The following LRRTM4 variants were observed in gnomAD, a reference collection of about 807,000 sequenced individuals.
LRRTM4 encodes the protein leucine-rich repeat transmembrane neuronal protein 4.
A neutral mutation model predicts 47.6 loss-of-function variants in LRRTM4; 25 were observed. The observed-to-expected ratio is 0.53, with a 90% confidence interval of 0.38 to 0.73. LRRTM4 has a LOEUF of 0.73. LRRTM4 is among the 30% of genes least tolerant of loss of function. The pLI is 0.00. For synonymous variants in LRRTM4, 311 were observed against 269.5 expected (o/e 1.15, Z -1.51); for missense variants, 638 against 713.4 (o/e 0.89, Z 1.20).
chr2:77,372,111 A>G (rs560648141), intron 3 of LRRTM4, among the ~76,000 whole-genome samples: 3 of 151,928 alleles, frequency 2.0e-5, no homozygotes, highest in South Asian at 4.1e-4. Flanking sequence ...TTAAAAAAAT[A>G]TGACAATAGG....
intron 3 of LRRTM4, among the ~76,000 whole-genome samples, chr2:76,956,024 G>C (rs1368508360): frequency 3.3e-5 from 5 of 150,696 alleles, no homozygotes; most frequent in Non-Finnish European, 7.4e-5. Context: ...AAAAAGCCTA[G>C]AGAGGTTGAA....
intron 3 of LRRTM4, among the ~76,000 whole-genome samples, chr2:77,194,509 G>A (rs13408050): frequency 0.028 from 4,258 of 152,170 alleles, 210 homozygotes; most frequent in African/African-American, 0.095. Flanking sequence ...GATTCACATG[G>A]AAGATGCTAC....
chr2:77,091,030 GC>G (rs769157088), intron 3 of LRRTM4, among the ~76,000 whole-genome samples: 5 of 151,984 alleles, frequency 3.3e-5, no homozygotes, highest in African/African-American at 4.8e-5. Flanking sequence ...TGACGGCCAG[GC>G]TTCTAAACCT....
intron 3 of LRRTM4, among the ~76,000 whole-genome samples, chr2:77,295,189 A>C (rs1292420241): frequency 1.3e-5 from 2 of 152,292 alleles, no homozygotes; most frequent in African/African-American, 4.8e-5. Flanking sequence ...AATTTAAAGC[A>C]AACATAATTT....
intron 3 of LRRTM4, among the ~76,000 whole-genome samples, chr2:77,263,240 T>C (rs145152419): frequency 5.3e-5 from 8 of 152,296 alleles, no homozygotes; most frequent in Admixed American, 5.2e-4. Flanking sequence ...CTCCCTTTTC[T>C]TCACACCTTG....
chr2:77,015,128 A>AT (rs1464643455), intron 3 of LRRTM4, among the ~76,000 whole-genome samples: 3 of 151,940 alleles, frequency 2.0e-5, no homozygotes, highest in Non-Finnish European at 4.4e-5. Context: ...TGATGAAAAG[A>AT]TTTTTTCCCT....
rs185153577 is a variant in LRRTM4 at position 77,402,937 on chromosome 2, A to T, written c.1551+115381T>A. On this transcript the variant is annotated intron_variant, in intron 3 of 3. Transcript: ENST00000409884. ...TGCATTATGGTGGTAGATAAGAAAA[A>T]CTCAGACCTTTCTCTCATAAAGATG... 4.8e-3 allele frequency among the ~76,000 whole-genome samples: 724 copies of T among 152,034 alleles called. 5 individuals are homozygous for T. Among genetic ancestry groups the T allele is most frequent in the Middle Eastern group, 0.024 (7 of 294 alleles).
intron 3 of LRRTM4, among the ~76,000 whole-genome samples, chr2:76,773,520 A>G (rs529185268): frequency 2.0e-5 from 3 of 152,308 alleles, no homozygotes; most frequent in Admixed American, 2.0e-4. Context: ...TTATGATTTC[A>G]TATAGTAAAG....
At chr2:77,314,535 G>A (rs1395962176) in intron 3 of LRRTM4, among the ~76,000 whole-genome samples, 1 of 152,050 alleles carries the variant, frequency 6.6e-6, no homozygotes, top group Non-Finnish European at 1.5e-5. Flanking sequence ...TATGTCTTAT[G>A]TTTGGCAGGA....
intron 3 of LRRTM4, among the ~76,000 whole-genome samples, chr2:76,860,728 A>G (rs971898213): frequency 2.0e-5 from 3 of 152,142 alleles, no homozygotes; most frequent in African/African-American, 7.2e-5. Context: ...TTAAATAGTG[A>G]CTTAAATACA....
intron 3 of LRRTM4, among the ~76,000 whole-genome samples, chr2:76,759,224 G>A (rs1468742044): frequency 2.0e-5 from 3 of 152,100 alleles, no homozygotes; most frequent in Non-Finnish European, 4.4e-5. Context: ...GGTTTAGACT[G>A]CATAATACAA....
chr2:76,905,706 C>G (rs1178300507), intron 3 of LRRTM4, among the ~76,000 whole-genome samples: 1 of 148,220 alleles, frequency 6.7e-6, no homozygotes, highest in Non-Finnish European at 1.5e-5. Context: ...AATGCAGAAG[C>G]CTCAGGAGCC....
chr2:77,464,864 C>T (rs1676924678), intron 3 of LRRTM4, among the ~76,000 whole-genome samples: 1 of 152,150 alleles, frequency 6.6e-6, no homozygotes, highest in Non-Finnish European at 1.5e-5. Context: ...CATTGTTTAA[C>T]AAGCTAACCA....
At chr2:76,955,334 G>T (rs553353525) in intron 3 of LRRTM4, among the ~76,000 whole-genome samples, 1 of 151,844 alleles carries the variant, frequency 6.6e-6, no homozygotes, top group African/African-American at 2.4e-5. Context: ...AAAAAAGTCC[G>T]TTGGGAGAAA....
At chr2:77,182,340 A>T (rs932799933) in intron 3 of LRRTM4, among the ~76,000 whole-genome samples, 1 of 152,118 alleles carries the variant, frequency 6.6e-6, no homozygotes, top group African/African-American at 2.4e-5. Flanking sequence ...CAAACACTGC[A>T]TGTTTTCAAC....
intron 3 of LRRTM4, among the ~76,000 whole-genome samples, chr2:76,931,192 G>A (rs1055810222): frequency 6.6e-6 from 1 of 152,096 alleles, no homozygotes; most frequent in Admixed American, 6.6e-5. Flanking sequence ...CAAAATTAAT[G>A]CTAATATGTT....
chr2:77,089,706 A>C (rs1268929449), intron 3 of LRRTM4, among the ~76,000 whole-genome samples: 1 of 151,300 alleles, frequency 6.6e-6, no homozygotes, highest in Non-Finnish European at 1.5e-5. Context: ...AACCTCTTCA[A>C]CTCACACCTG....
intron 3 of LRRTM4, among the ~76,000 whole-genome samples, chr2:77,390,151 G>C (rs887537634): frequency 3.9e-5 from 6 of 152,134 alleles, no homozygotes; most frequent in African/African-American, 1.4e-4. Flanking sequence ...CAGACCCCAG[G>C]AAACACTTTT....
chr2:77,396,136 C>G (rs1192832786), intron 3 of LRRTM4, among the ~76,000 whole-genome samples: 1 of 151,474 alleles, frequency 6.6e-6, no homozygotes, highest in East Asian at 1.9e-4. Context: ...TTAAAACCAC[C>G]AAAAAGATTT....
Sources: allele counts gnomAD v4.1 joint callset (sites outside exome capture counted in the v4.1 genomes callset), GRCh38; gene constraint gnomAD v4.1.1; transcripts MANE v1.5; gene names NCBI Gene and HGNC (gene_info 2026-07-23, HGNC 2026-07-21).